Variants in NCKAP5 observed in about 807,000 individuals in gnomAD.
NCKAP5 encodes the protein NCK associated protein 5.
NCKAP5 carries 92 observed loss-of-function variants against 167.0 expected under a neutral mutation model. That is an observed-to-expected ratio of 0.55 (90% CI 0.47 to 0.66). The LOEUF is 0.66. Ranked by LOEUF, NCKAP5 falls within the 30% of genes least tolerant of loss-of-function variation. The pLI is 0.00. For missense variants in NCKAP5, 2,378 were observed against 2,315.0 expected, an observed-to-expected ratio of 1.03 and a Z score of -0.56; for synonymous variants, 891 against 877.4, an observed-to-expected ratio of 1.02 and a Z score of -0.27.
At chr2:132,859,771 C>A (rs1285152518) in intron 11 of NCKAP5, among the ~76,000 whole-genome samples, 1 of 152,122 alleles carries the variant, frequency 6.6e-6, no homozygotes, top group African/African-American at 2.4e-5. Context: ...CTTGTTTAAG[C>A]AAATATACAC....
intron 5 of NCKAP5, among the ~76,000 whole-genome samples, chr2:133,156,097 C>G (rs183279922): frequency 7.8e-4 from 119 of 152,336 alleles, no homozygotes; most frequent in Admixed American, 2.7e-3. Context: ...CCTTTGCAAA[C>G]AGTCCTTGTA....
chr2:132,996,942 A>G (rs1573678639), intron 6 of NCKAP5, among the ~76,000 whole-genome samples: 1 of 152,174 alleles, frequency 6.6e-6, no homozygotes, highest in East Asian at 1.9e-4. Context: ...CAGAACCTGA[A>G]CTGGTTATCT....
At chr2:132,949,045 A>AAAAGG (rs2076099698) in intron 8 of NCKAP5, among the ~76,000 whole-genome samples, 1 of 144,260 alleles carries the variant, frequency 6.9e-6, no homozygotes, top group Admixed American at 7.0e-5. Flanking sequence ...AAAAGAAAAG[A>AAAAGG]AAAGAAACAT....
intron 3 of NCKAP5, among the ~76,000 whole-genome samples, chr2:133,323,182 A>G (rs1682182208): frequency 6.6e-6 from 1 of 152,192 alleles, no homozygotes; most frequent in Non-Finnish European, 1.5e-5. Context: ...TATTTAATTG[A>G]TATCATTTAT....
At chr2:132,885,854 G>C (rs1692173505) in intron 8 of NCKAP5, among the ~76,000 whole-genome samples, 1 of 152,300 alleles carries the variant, frequency 6.6e-6, no homozygotes, top group Non-Finnish European at 1.5e-5. Flanking sequence ...ACAGACCAAA[G>C]GTAGACTACT....
At chr2:133,560,272 C>T (rs937288827) in intron 1 of NCKAP5, among the ~76,000 whole-genome samples, 2 of 152,176 alleles carry the variant, frequency 1.3e-5, no homozygotes, top group Admixed American at 6.5e-5. Flanking sequence ...CATCTATTCA[C>T]CAAATATTTG....
At chr2:133,352,601 C>T (rs979444812) in intron 3 of NCKAP5, among the ~76,000 whole-genome samples, 3 of 152,166 alleles carry the variant, frequency 2.0e-5, no homozygotes, top group South Asian at 2.1e-4. Context: ...AGACTTGACC[C>T]TGACATTAGA....
chr2:133,485,216 C>T (rs560242350), intron 3 of NCKAP5, among the ~76,000 whole-genome samples: 11 of 152,166 alleles, frequency 7.2e-5, no homozygotes, highest in African/African-American at 2.2e-4. Context: ...TATGTAATTA[C>T]GTTTATATCT....
At position 132,673,220 on chromosome 2, in the gene NCKAP5, C is replaced by T. The variant is rs892886112; in HGVS notation, c.*69G>A. ...TTTTTCTAATAAAATCACAGTATTG[C>T]TGTTAAATTTATTGAATGACTCTAG... is the stretch of plus-strand genomic sequence containing the variant. On this transcript the variant is annotated 3_prime_UTR_variant, in exon 20 of 20. Transcript: ENST00000409261. The T allele has an allele frequency of 6.8e-6, 10 of 1,460,040 alleles. No homozygotes were observed. Among genetic ancestry groups the T allele is most frequent in the Non-Finnish European group, 9.0e-6 (10 of 1,108,548 alleles). 90.4% of individuals were successfully genotyped at this position (1,460,040 alleles called of 1,614,324 possible).
At chr2:132,874,370 A>G (rs1433689540) in intron 9 of NCKAP5, among the ~76,000 whole-genome samples, 11 of 152,066 alleles carry the variant, frequency 7.2e-5, no homozygotes, top group Non-Finnish European at 1.6e-4. Flanking sequence ...GGCCTCCCAA[A>G]GTGTTGGGAT....
Position 132,784,877 on chromosome 2 carries a change from C to T in NCKAP5, c.1934G>A (p.Arg645Lys). The T allele has an allele frequency of 6.4e-7, 1 of 1,562,404 alleles. No homozygotes were observed. Among genetic ancestry groups the T allele is most frequent in the African/African-American group, 1.4e-5 (1 of 73,170 alleles). Residue 645 changes from arginine to lysine, a missense_variant, in exon 14 of 20, where the codon AGG becomes AAG. By Grantham distance (26) the Arg-to-Lys change is conservative. This residue lies in a region of NCKAP5 where 1,049 missense variants were observed against 1,023.4 expected (regional missense o/e 1.02). Transcript: ENST00000409261. ...EKQVPIPSETRPKTFSFIKQQ... is the reference protein window; with the variant it reads ...EKQVPIPSETKPKTFSFIKQQ... ...CTTAATGAAACTAAAAGTCTTTGGCCTAGTCTCTGAAGGGATGGGCACTTG... is the reference window on the plus strand; with the variant it reads ...CTTAATGAAACTAAAAGTCTTTGGCTTAGTCTCTGAAGGGATGGGCACTTG...
chr2:133,129,867 T>C (rs1009187786), intron 6 of NCKAP5, 111 bp downstream of exon 6: 6 of 1,250,656 alleles, frequency 4.8e-6, no homozygotes, highest in Non-Finnish European at 5.3e-6. Flanking sequence ...GGTTGGTAAA[T>C]TAGCTCATCA....
At chr2:133,507,653 A>C (rs1327522657) in intron 3 of NCKAP5, among the ~76,000 whole-genome samples, 2 of 152,356 alleles carry the variant, frequency 1.3e-5, no homozygotes, top group African/African-American at 2.4e-5. Context: ...ATAAAAGGAC[A>C]GAATGGAGGC....
chr2:133,294,310 T>C (rs1679806811), intron 4 of NCKAP5, among the ~76,000 whole-genome samples: 2 of 152,138 alleles, frequency 1.3e-5, no homozygotes, highest in African/African-American at 2.4e-5. Context: ...TTAGTCTACA[T>C]AAATTAACCC....
At chr2:133,248,436 T>C (rs552496406) in intron 4 of NCKAP5, among the ~76,000 whole-genome samples, 21 of 152,304 alleles carry the variant, frequency 1.4e-4, no homozygotes, top group Admixed American at 1.2e-3. Flanking sequence ...CCTGGGCTCG[T>C]CTCCCATGCC....
At chr2:133,520,826 T>C (rs935110167) in intron 2 of NCKAP5, among the ~76,000 whole-genome samples, 1 of 152,180 alleles carries the variant, frequency 6.6e-6, no homozygotes, top group Non-Finnish European at 1.5e-5. Flanking sequence ...AGCAACAATA[T>C]GGCATAAGGG....
In NCKAP5 at chr2:132,933,116, G is replaced by A. The variant is rs372116494; in HGVS notation, c.579+30604C>T. On this transcript the variant is annotated intron_variant, in intron 8 of 19. Coordinates refer to ENST00000409261, the MANE Select transcript of NCKAP5 (RefSeq NM_207363.3). The stretch of plus-strand genomic sequence containing the variant: ...ATATTTTTGTATTTTTAGTAGAGAC[G>A]GGGTTTCACCGTGTTAGCCAGGATG... 9.9e-5 allele frequency among the ~76,000 whole-genome samples: 15 copies of A among 152,002 alleles called. 1 individual carries two copies. In the South Asian group the frequency reaches 2.1e-3, roughly 21 times the overall value.
At chr2:133,382,662 G>A (rs1686609796) in intron 3 of NCKAP5, among the ~76,000 whole-genome samples, 1 of 152,084 alleles carries the variant, frequency 6.6e-6, no homozygotes, top group Admixed American at 6.6e-5. Flanking sequence ...GCCTTTTCAG[G>A]TTCCACTGAA....
intron 5 of NCKAP5, among the ~76,000 whole-genome samples, chr2:133,146,837 C>A (rs572907579): frequency 6.6e-6 from 1 of 152,056 alleles, no homozygotes. Flanking sequence ...CGTGCATACA[C>A]CTTAAACAAG....
Sources: gnomAD v4.1 joint callset for allele counts (sites outside exome capture counted in the v4.1 genomes callset) on GRCh38, gnomAD v4.1.1 for gene constraint, gnomAD v4.1.1 regional missense constraint, MANE v1.5 for transcripts, NCBI Gene and HGNC (gene_info 2026-07-23, HGNC 2026-07-21) for gene names.